Variants in CTNNA3 observed in about 807,000 individuals in gnomAD.
CTNNA3 encodes the protein catenin alpha-3.
In CTNNA3, 76 loss-of-function variants were observed where a neutral mutation model predicts 95.7. The observed-to-expected ratio is 0.79, with a 90% CI of 0.66 to 0.96. The LOEUF is 0.96. Among genes scored for constraint, CTNNA3 ranks in the 40% least tolerant of loss-of-function variants. The pLI, the probability that CTNNA3 is intolerant of heterozygous loss-of-function variation, is 0.00. For synonymous variants in CTNNA3, 431 were observed against 374.4 expected (o/e 1.15, Z -1.74); for missense variants, 1,191 against 1,089.8 (o/e 1.09, Z -1.31).
At chr10:65,973,135 G>A (rs2078143245) in intron 16 of CTNNA3, among the ~76,000 whole-genome samples, 1 of 152,094 alleles carries the variant, frequency 6.6e-6, no homozygotes, top group African/African-American at 2.4e-5. Flanking sequence ...TGCTGTGACA[G>A]CTGGCTAGCC....
At chr10:66,786,491 T>C (rs552977462) in intron 7 of CTNNA3, among the ~76,000 whole-genome samples, 66 of 152,286 alleles carry the variant, frequency 4.3e-4, no homozygotes, top group African/African-American at 1.6e-3. Context: ...ATCAGCCCAA[T>C]TGAAATCAAG....
At chr10:66,284,260 G>A (rs1394253824) in intron 12 of CTNNA3, among the ~76,000 whole-genome samples, 2 of 151,862 alleles carry the variant, frequency 1.3e-5, no homozygotes, top group Non-Finnish European at 2.9e-5. Context: ...TTGGCACTGT[G>A]CTAAGCATTT....
intron 7 of CTNNA3, among the ~76,000 whole-genome samples, chr10:66,973,823 C>T (rs532678146): frequency 5.3e-5 from 8 of 152,206 alleles, no homozygotes; most frequent in African/African-American, 1.9e-4. Context: ...GGGGTTTCAC[C>T]ATGTTGGCCA....
At chr10:66,700,191 T>C (rs1023708837) in intron 9 of CTNNA3, among the ~76,000 whole-genome samples, 1 of 152,182 alleles carries the variant, frequency 6.6e-6, no homozygotes, top group African/African-American at 2.4e-5. Context: ...TTTGGTGTGA[T>C]GTTCAAAATA....
At chr10:67,681,402 T>C (rs1840623746) in intron 1 of CTNNA3, among the ~76,000 whole-genome samples, 1 of 152,138 alleles carries the variant, frequency 6.6e-6, no homozygotes, top group Admixed American at 6.5e-5. Flanking sequence ...AATACGGCTT[T>C]TCAAATTATC....
intron 1 of CTNNA3, chr10:67,750,724 C>T: frequency 6.3e-7 from 1 of 1,578,136 alleles, no homozygotes; most frequent in Non-Finnish European, 8.7e-7. Flanking sequence ...CATGGAGGAG[C>T]TGGTGGATGA....
intron 13 of CTNNA3, among the ~76,000 whole-genome samples, chr10:66,180,303 G>A (rs148337238): frequency 1.1e-3 from 169 of 152,256 alleles, no homozygotes; most frequent in African/African-American, 4.0e-3. Flanking sequence ...GATGGTGACA[G>A]TAGGTTTTAG....
At chr10:66,290,126 T>G (rs2091655262) in intron 12 of CTNNA3, among the ~76,000 whole-genome samples, 1 of 151,986 alleles carries the variant, frequency 6.6e-6, no homozygotes, top group South Asian at 2.1e-4. Context: ...GGTGGATAGA[T>G]GCATAGATAA....
intron 7 of CTNNA3, among the ~76,000 whole-genome samples, chr10:67,159,131 A>T (rs1047463998): frequency 6.6e-5 from 10 of 152,208 alleles, no homozygotes; most frequent in Non-Finnish European, 1.5e-4. Context: ...ATAGAACAAC[A>T]CTGTGAAACT....
chr10:67,081,245 T>C (rs1463994256), intron 7 of CTNNA3, among the ~76,000 whole-genome samples: 1 of 152,196 alleles, frequency 6.6e-6, no homozygotes, highest in Non-Finnish European at 1.5e-5. Flanking sequence ...TTAAAATGCT[T>C]AATTCTCTAA....
At chr10:67,190,655 G>A (rs1307634753) in intron 6 of CTNNA3, among the ~76,000 whole-genome samples, 1 of 151,760 alleles carries the variant, frequency 6.6e-6, no homozygotes, top group East Asian at 1.9e-4. Flanking sequence ...TGCTTTCTTT[G>A]TTTACCAGAA....
intron 5 of CTNNA3, among the ~76,000 whole-genome samples, chr10:67,305,263 G>A (rs137962676): frequency 1.3e-5 from 2 of 151,910 alleles, no homozygotes; most frequent in South Asian, 2.1e-4. Context: ...GTGACAGAGC[G>A]AGACTCCACG....
intron 7 of CTNNA3, among the ~76,000 whole-genome samples, chr10:67,042,589 C>G (rs1854470108): frequency 2.6e-5 from 4 of 151,552 alleles, no homozygotes; most frequent in Admixed American, 1.3e-4. Context: ...GATGAAAACA[C>G]AGTACTGTCA....
At chr10:66,483,375 T>A (rs1420276289) in intron 11 of CTNNA3, among the ~76,000 whole-genome samples, 4 of 152,064 alleles carry the variant, frequency 2.6e-5, no homozygotes, top group East Asian at 1.9e-4. Context: ...GCTTTTTTTT[T>A]ATCATTATTA....
intron 5 of CTNNA3, among the ~76,000 whole-genome samples, chr10:67,436,714 A>G (rs774976091): frequency 6.6e-6 from 1 of 152,218 alleles, no homozygotes; most frequent in African/African-American, 2.4e-5. Flanking sequence ...CAACAAACAT[A>G]TGAAAAAATG....
intron 7 of CTNNA3, among the ~76,000 whole-genome samples, chr10:66,843,524 G>T (rs1843142179): frequency 6.6e-6 from 1 of 152,204 alleles, no homozygotes; most frequent in African/African-American, 2.4e-5. Context: ...TGATGGGAAA[G>T]AGCAGACTTC....
intron 7 of CTNNA3, among the ~76,000 whole-genome samples, chr10:66,880,803 T>A (rs1844819779): frequency 6.6e-6 from 1 of 152,116 alleles, no homozygotes; most frequent in African/African-American, 2.4e-5. Context: ...GTTTGCATAA[T>A]AGCAGTTTTC....
At chr10:66,169,215 A>G (rs2085293107) in intron 13 of CTNNA3, among the ~76,000 whole-genome samples, 1 of 152,044 alleles carries the variant, frequency 6.6e-6, no homozygotes, top group South Asian at 2.1e-4. Flanking sequence ...AGTCTATTGT[A>G]TCATTCTTAT....
intron 13 of CTNNA3, among the ~76,000 whole-genome samples, chr10:66,126,884 A>G (rs2082850735): frequency 6.6e-6 from 1 of 152,180 alleles, no homozygotes; most frequent in Non-Finnish European, 1.5e-5. Context: ...ATTCCAAAGT[A>G]TTATATAGCC....
Sources: gnomAD v4.1 joint callset for allele counts (sites outside exome capture counted in the v4.1 genomes callset) on GRCh38, gnomAD v4.1.1 for gene constraint, MANE v1.5 for transcripts, NCBI Gene and HGNC (gene_info 2026-07-23, HGNC 2026-07-21) for gene names.